ABI3BP: variants seen among roughly 807,000 people sequenced by gnomAD.
The protein encoded by ABI3BP is ABI family member 3 binding protein.
A neutral mutation model predicts 268.6 loss-of-function variants in ABI3BP; 216 were observed. The observed-to-expected ratio is 0.80, with a 90% confidence interval of 0.72 to 0.90. The LOEUF (loss-of-function observed/expected upper bound fraction) is 0.90, where lower values mean the gene tolerates loss of function less well. Ranked by LOEUF, ABI3BP falls within the 40% of genes least tolerant of loss-of-function variation. The probability of loss-of-function intolerance (pLI) is 0.00; values close to 1 mark genes in which losing one functional copy is unlikely to be tolerated. For synonymous variants in ABI3BP, 730 were observed against 730.0 expected, an observed-to-expected ratio of 1.00 and a Z score of 0.00; for missense variants, 2,090 against 2,182.4, an observed-to-expected ratio of 0.96 and a Z score of 0.84.
chr3:100,778,194 T>C, intron 59 of ABI3BP, 90 bp downstream of exon 59: 2 of 1,249,638 alleles, frequency 1.6e-6, no homozygotes, highest in Non-Finnish European at 2.3e-6. Context: ...ACATCAATAG[T>C]GTGCCTGTTG....
chr3:100,860,875 T>C (rs1209285626), intron 14 of ABI3BP, among the ~76,000 whole-genome samples: 1 of 152,124 alleles, frequency 6.6e-6, no homozygotes, highest in Non-Finnish European at 1.5e-5. Context: ...CTGAGGGATG[T>C]GGGAGTCACA....
At chr3:100,991,964 A>C (rs776071290) in intron 1 of ABI3BP, among the ~76,000 whole-genome samples, 12 of 152,280 alleles carry the variant, frequency 7.9e-5, no homozygotes, top group Non-Finnish European at 1.5e-4. Flanking sequence ...AGACTGAGAA[A>C]ACCCCCAGAC....
chr3:100,926,253 C>G lies in ABI3BP; in HGVS notation c.259+49G>C, dbSNP rs758446318. On this transcript the variant is annotated intron_variant, in intron 2 of 67. Coordinates refer to ENST00000471714, the MANE Select transcript of ABI3BP (RefSeq NM_001375547.2). Reference sequence around the variant, plus strand: ...AGATTTGTAGGTCATGTTACACCCCCCCACCTCTTACCTCCTTTCCTTCCC... The same window carrying G: ...AGATTTGTAGGTCATGTTACACCCCGCCACCTCTTACCTCCTTTCCTTCCC... 1.9e-6 allele frequency: 3 copies of G among 1,586,246 alleles called. No individual in the cohort carries two copies. The African/African-American group carries it at 4.0e-5, about 21-fold the overall frequency.
At position 100,876,568 on chromosome 3, in the gene ABI3BP, GAGA is replaced by G. The variant is rs950271375; in HGVS notation, c.697-11_697-9del. The G allele has an allele frequency of 6.2e-6, 10 of 1,612,558 alleles. No homozygotes were observed. Among genetic ancestry groups the G allele is most frequent in the East Asian group, 2.2e-5 (1 of 44,822 alleles). On this transcript the variant is annotated splice_polypyrimidine_tract_variant and intron_variant, in intron 6 of 67. Coordinates refer to ENST00000471714, the MANE Select transcript of ABI3BP (RefSeq NM_001375547.2). ...CCTTGGGACATATGCTGGCTGCAAA[GAGA>G]AGAAGAAAGTCAACTTTTGAGTCAT...
At chr3:100,811,305 T>C (rs1306906985) in intron 47 of ABI3BP, 28 bp from the exon 48 acceptor site, 2 of 1,500,452 alleles carry the variant, frequency 1.3e-6, no homozygotes, top group Admixed American at 4.1e-5. Context: ...AGAAAAATTT[T>C]AGAAACTGTA....
chr3:100,959,872 C>T (rs1202021581), intron 1 of ABI3BP, among the ~76,000 whole-genome samples: 1 of 152,198 alleles, frequency 6.6e-6, no homozygotes, highest in African/African-American at 2.4e-5. Context: ...AAAGAAAATG[C>T]ATGCAAATGT....
At chr3:100,948,951 T>A (rs889006495) in intron 1 of ABI3BP, among the ~76,000 whole-genome samples, 25 of 152,186 alleles carry the variant, frequency 1.6e-4, no homozygotes, top group East Asian at 1.2e-3. Context: ...AGAATATTTT[T>A]AAAAAATTAT....
intron 1 of ABI3BP, among the ~76,000 whole-genome samples, chr3:100,970,569 G>A (rs189108345): frequency 3.9e-5 from 6 of 152,214 alleles, no homozygotes; most frequent in African/African-American, 7.2e-5. Flanking sequence ...GCTTTTGATC[G>A]CTCTAGAGAG....
intron 2 of ABI3BP, among the ~76,000 whole-genome samples, chr3:100,925,066 T>A (rs2061422286): frequency 6.6e-6 from 1 of 152,118 alleles, no homozygotes; most frequent in Admixed American, 6.5e-5. Context: ...TACCTCTCAG[T>A]TTTTTGGTAA....
chr3:100,929,270 T>C (rs2062865404), intron 1 of ABI3BP, among the ~76,000 whole-genome samples: 1 of 151,958 alleles, frequency 6.6e-6, no homozygotes, highest in African/African-American at 2.4e-5. Flanking sequence ...TCACATTATT[T>C]CTCCCATGGG....
At chr3:100,981,713 G>A (rs1161969328) in intron 1 of ABI3BP, among the ~76,000 whole-genome samples, 1 of 152,228 alleles carries the variant, frequency 6.6e-6, no homozygotes, top group African/African-American at 2.4e-5. Flanking sequence ...CTGGATGAGA[G>A]TACAGGAGTG....
chr3:100,823,095 G>GA (rs1022991816), intron 37 of ABI3BP, among the ~76,000 whole-genome samples: 4 of 151,904 alleles, frequency 2.6e-5, no homozygotes, highest in Non-Finnish European at 5.9e-5. Flanking sequence ...TATGCAAATA[G>GA]AAAAAAGGGT....
chr3:100,834,532 A>T (rs552728748), intron 29 of ABI3BP, among the ~76,000 whole-genome samples, 152 bp downstream of exon 29: 1 of 152,186 alleles, frequency 6.6e-6, no homozygotes, highest in Non-Finnish European at 1.5e-5. Flanking sequence ...AGTCACAGGT[A>T]TCGCCAGAGC....
intron 1 of ABI3BP, among the ~76,000 whole-genome samples, chr3:100,945,085 T>G (rs2071458309): frequency 6.6e-6 from 1 of 152,204 alleles, no homozygotes; most frequent in Non-Finnish European, 1.5e-5. Context: ...ATTCTCAATC[T>G]AATACTCAAA....
chr3:100,945,556 G>C (rs1561929056), intron 1 of ABI3BP: 1 of 406,594 alleles, frequency 2.5e-6, no homozygotes. Flanking sequence ...TGCTTTTCTG[G>C]TAATTAAATA....
chr3:100,863,691 T>A (rs2099022357), intron 12 of ABI3BP: 1 of 247,856 alleles, frequency 4.0e-6, no homozygotes, highest in Non-Finnish European at 7.8e-6. Flanking sequence ...CATAAATATA[T>A]CTTCTCTGTT....
intron 9 of ABI3BP, among the ~76,000 whole-genome samples, chr3:100,867,666 A>G (rs2099067453): frequency 6.6e-6 from 1 of 150,716 alleles, no homozygotes; most frequent in African/African-American, 2.4e-5. Flanking sequence ...AAAAAAGAAA[A>G]TTTCCGTTAT....
At chr3:100,990,857 T>A (rs1264163694) in intron 1 of ABI3BP, among the ~76,000 whole-genome samples, 1 of 152,102 alleles carries the variant, frequency 6.6e-6, no homozygotes, top group Admixed American at 6.5e-5. Context: ...AGTTACTGAA[T>A]CTGCCCTGCT....
intron 64 of ABI3BP, 92 bp downstream of exon 64, chr3:100,754,520 T>C: frequency 8.1e-7 from 1 of 1,230,262 alleles, no homozygotes; most frequent in Non-Finnish European, 1.2e-6. Context: ...AAACAGTACA[T>C]GTAGTGGGTT....
Sources: gnomAD v4.1 joint callset for allele counts (sites outside exome capture counted in the v4.1 genomes callset) on GRCh38, gnomAD v4.1.1 for gene constraint, MANE v1.5 for transcripts, NCBI Gene and HGNC (gene_info 2026-07-23, HGNC 2026-07-21) for gene names.